IRAG2: variants seen among roughly 807,000 people sequenced by gnomAD.
IRAG2 encodes inositol 1,4,5-triphosphate receptor associated 2.
In IRAG2, 45 loss-of-function variants were observed where a neutral mutation model predicts 69.9. That is an observed-to-expected ratio of 0.64 (90% CI 0.51 to 0.83). The LOEUF (loss-of-function observed/expected upper bound fraction) is 0.83. Ranked by LOEUF, IRAG2 falls within the 40% of genes least tolerant of loss-of-function variation. The pLI, the probability that IRAG2 is intolerant of heterozygous loss-of-function variation, is 0.00. For synonymous variants in IRAG2, 193 were observed against 202.4 expected, an observed-to-expected ratio of 0.95 and a Z score of 0.40; for missense variants, 520 against 587.0, an observed-to-expected ratio of 0.89 and a Z score of 1.18.
At chr12:25,090,930 T>C in intron 14 of IRAG2, 1 of 439,202 alleles carries the variant, frequency 2.3e-6, no homozygotes, top group South Asian at 1.6e-5. Context: ...GAATGGTAAC[T>C]GATTCAGTCT....
chr12:25,077,301 TATATATGATATATATG>T lies in IRAG2; in HGVS notation c.25-1936_25-1921del, dbSNP rs1565563096. Among the ~76,000 whole-genome samples the T allele has an allele frequency of 7.7e-4, 36 of 47,026 alleles. 5 individuals are homozygous for T. Among genetic ancestry groups the T allele is most frequent in the Non-Finnish European group, 1.2e-3 (26 of 20,988 alleles). 30.9% of individuals were successfully genotyped at this position (47,026 alleles called of 152,430 possible). Reference sequence around the variant, plus strand: ...AAATATATATGATATATATATGAAATATATATGATATATATGATATATATATGATATATATATGAAA... The same window carrying T: ...AAATATATATGATATATATATGAAATATATATATATGATATATATATGAAA... On this transcript the variant is annotated intron_variant, in intron 6 of 21. Coordinates refer to ENST00000556887, the MANE Select transcript of IRAG2 (RefSeq NM_001366544.2).
intron 5 of IRAG2, among the ~76,000 whole-genome samples, chr12:25,016,877 C>T (rs1198507312): frequency 1.3e-5 from 2 of 151,824 alleles, no homozygotes; most frequent in African/African-American, 4.8e-5. Flanking sequence ...TCAACAAAAA[C>T]TGTAGAAGTT....
intron 13 of IRAG2, chr12:25,034,073 C>A: frequency 2.5e-6 from 1 of 395,088 alleles, no homozygotes; most frequent in South Asian, 1.4e-4. Flanking sequence ...GCTGATAGTT[C>A]TTAGAGTCCA....
Position 25,055,766 on chromosome 12 carries a change from C to T in IRAG2, c.-447+2810C>T, listed in dbSNP as rs1465446383. On this transcript the variant is annotated intron_variant, in intron 1 of 21. Transcript: ENST00000556887. ...TGATGGTTTCCAGCTTCATCCATGT[C>T]GCTACAAAGGACATGAACTCATCTA... 4.6e-5 allele frequency among the ~76,000 whole-genome samples: 7 copies of T among 152,032 alleles called. 1 individual carries two copies. Among genetic ancestry groups the T allele is most frequent in the South Asian group, 2.1e-4 (1 of 4,828 alleles).
intron 11 of IRAG2, among the ~76,000 whole-genome samples, chr12:25,089,347 C>T (rs1178055039): frequency 2.6e-5 from 4 of 152,084 alleles, no homozygotes; most frequent in South Asian, 2.1e-4. Flanking sequence ...GCAAAGAGAA[C>T]AAATTGGGCT....
rs1591922992 is a variant in IRAG2, at chr12:25,011,322, A to T, written c.689-22A>T. 4.9e-6 allele frequency: 6 copies of T among 1,226,120 alleles called. No homozygotes were observed. The East Asian group carries it at 1.9e-4, about 39-fold the overall frequency. The allele number at this position is 1,226,120 out of a possible 1,614,324, so 76.0% of individuals were successfully genotyped here. A position where few individuals can be genotyped will look rare whatever the true frequency, so the allele number is the denominator to read the frequency against. ...GAGATAGGTGCTTCACTTGTGAAAAATATAACTTTTCTGTCTTTCAGAACT... is the reference window on the plus strand; with the variant it reads ...GAGATAGGTGCTTCACTTGTGAAAATTATAACTTTTCTGTCTTTCAGAACT... On this transcript the variant is annotated intron_variant, in intron 2 of 38. Transcript: ENST00000636465.
chr12:25,099,217 C>A (rs148850726), intron 15 of IRAG2, among the ~76,000 whole-genome samples: 43 of 152,290 alleles, frequency 2.8e-4, no homozygotes, highest in African/African-American at 9.6e-4. Context: ...AACAGTTCCA[C>A]TTGGATGTTT....
chr12:25,102,395 C>G (rs960912340), intron 17 of IRAG2, 154 bp downstream of exon 17: 38 of 624,164 alleles, frequency 6.1e-5, no homozygotes, highest in Admixed American at 1.2e-4. Flanking sequence ...TTTATACTCT[C>G]TGCTATATTT....
intron 16 of IRAG2, chr12:25,038,154 T>C (rs528978629): frequency 1.1e-4 from 43 of 398,748 alleles, no homozygotes; most frequent in African/African-American, 8.4e-4. Context: ...ATCATTTATA[T>C]ATAAGAAATC....
At chr12:25,007,798 A>G (rs996762786) in intron 2 of IRAG2, among the ~76,000 whole-genome samples, 2 of 152,224 alleles carry the variant, frequency 1.3e-5, no homozygotes, top group African/African-American at 4.8e-5. Flanking sequence ...TTGGGATTAC[A>G]GGTGTGAGCC....
At position 25,079,798 on chromosome 12, in the gene IRAG2, T is replaced by C. The variant is rs777303711; in HGVS notation, c.244+35T>C. ...TGACAGGTGTAAGCATGATTTTAAT[T>C]CTAAAACACGAAGCAAGTCTATAAG... is the stretch of plus-strand genomic sequence containing the variant. On this transcript the variant is annotated intron_variant, in intron 9 of 21. Transcript: ENST00000556887. The C allele has an allele frequency of 1.2e-5, 16 of 1,371,792 alleles. No homozygotes were observed. The African/African-American group carries it at 2.1e-4, about 18-fold the overall frequency. 85.0% of individuals were successfully genotyped at this position (1,371,792 alleles called of 1,614,324 possible).
At chr12:25,038,285 C>G (rs1944717710) in intron 16 of IRAG2, 3 of 391,164 alleles carry the variant, frequency 7.7e-6, no homozygotes, top group Non-Finnish European at 4.5e-6. Flanking sequence ...TTTGATAATT[C>G]TGAATTGTAA....
At chr12:25,088,251 C>G (rs1180597831) in intron 11 of IRAG2, 94 bp downstream of exon 11, 1 of 968,696 alleles carries the variant, frequency 1.0e-6, no homozygotes, top group Non-Finnish European at 1.6e-6. Flanking sequence ...ATGTCACTTA[C>G]AAATTCTGCA....
intron 7 of IRAG2, among the ~76,000 whole-genome samples, chr12:25,022,061 C>A (rs1236621480): frequency 1.3e-5 from 2 of 152,162 alleles, no homozygotes; most frequent in Non-Finnish European, 2.9e-5. Flanking sequence ...GTGACTTTAG[C>A]CCTGCCACAT....
upstream of IRAG2, among the ~76,000 whole-genome samples, chr12:25,050,537 A>G: frequency 6.9e-5 from 1 of 14,504 alleles, no homozygotes; most frequent in South Asian, 4.6e-3. Flanking sequence ...CAAAAAAAAC[A>G]AACAAACAAA....
At chr12:25,083,853 C>T (rs751052416) in intron 10 of IRAG2, among the ~76,000 whole-genome samples, 15 of 152,166 alleles carry the variant, frequency 9.9e-5, no homozygotes, top group African/African-American at 1.7e-4. Context: ...TTGAATAAAA[C>T]GGTGGTATCT....
intron 3 of IRAG2, chr12:25,015,162 T>TG (rs1944515955): frequency 4.7e-5 from 50 of 1,072,230 alleles, no homozygotes; most frequent in Non-Finnish European, 5.6e-5. Flanking sequence ...TTTGTTTTTT[T>TG]TTTTTTTTTT....
intron 1 of IRAG2, among the ~76,000 whole-genome samples, chr12:25,057,220 A>ATAGG (rs1161224738): frequency 6.1e-4 from 91 of 149,522 alleles, no homozygotes; most frequent in African/African-American, 1.9e-3. Context: ...ATACATACAG[A>ATAGG]TAGGTAGGTA....
chr12:25,015,548 C>T (rs1024006782), intron 5 of IRAG2: 19 of 528,536 alleles, frequency 3.6e-5, no homozygotes, highest in African/African-American at 3.1e-4. Context: ...GTAGAGCTAG[C>T]ATAACTGATT....
Sources: gnomAD v4.1 joint callset for allele counts (sites outside exome capture counted in the v4.1 genomes callset) on GRCh38, gnomAD v4.1.1 for gene constraint, MANE v1.5 for transcripts, NCBI Gene and HGNC (gene_info 2026-07-23, HGNC 2026-07-21) for gene names.